TPRG1: variants seen among roughly 807,000 people sequenced by gnomAD.
The protein encoded by TPRG1 is tumor protein p63 regulated 1.
TPRG1 carries 29 observed loss-of-function variants against 29.3 expected under a neutral mutation model. The observed-to-expected ratio is 0.99, with a 90% CI of 0.74 to 1.35. The LOEUF (loss-of-function observed/expected upper bound fraction) is 1.35. Among genes scored for constraint, TPRG1 ranks in the 40% most tolerant of loss-of-function variants. The probability of loss-of-function intolerance (pLI) is 0.00; values close to 1 mark genes in which losing one functional copy is unlikely to be tolerated. For missense variants in TPRG1, 327 were observed against 335.0 expected (o/e 0.98, Z 0.19); for synonymous variants, 130 against 116.8 (o/e 1.11, Z -0.73).
rs553248228 is a variant in TPRG1 at position 189,117,685 on chromosome 3, A to T, written c.-743-9372A>T. Among the ~76,000 whole-genome samples, 5 of 152,232 alleles carry T rather than the reference A, an allele frequency of 3.3e-5. No individual in the cohort carries two copies. In the South Asian group the frequency reaches 1.0e-3, roughly 32 times the overall value. On this transcript the variant is annotated intron_variant, in intron 1 of 6. Transcript: ENST00000412373. ...TGTGATAATGAGTGAGTCTCACAAG[A>T]TCTGATGGTTTGTTAAACATCTGGC...
intron 4 of TPRG1, among the ~76,000 whole-genome samples, chr3:189,252,312 A>G (rs1742414327): frequency 6.6e-6 from 1 of 152,112 alleles, no homozygotes; most frequent in Admixed American, 6.6e-5. Flanking sequence ...CACAGTAGCA[A>G]TCTGATCTCT....
chr3:189,231,474 G>A (rs1422338688), intron 3 of TPRG1, among the ~76,000 whole-genome samples: 2 of 152,044 alleles, frequency 1.3e-5, no homozygotes, highest in Non-Finnish European at 2.9e-5. Context: ...AAGGGATTTA[G>A]AAGAATCTTC....
chr3:189,122,535 G>A (rs995322879), intron 1 of TPRG1, among the ~76,000 whole-genome samples: 1 of 152,194 alleles, frequency 6.6e-6, no homozygotes, highest in Non-Finnish European at 1.5e-5. Flanking sequence ...ATTTTGCGTA[G>A]CATGGGTATT....
chr3:189,113,428 T>A (rs1305023643), intron 1 of TPRG1, among the ~76,000 whole-genome samples: 1 of 152,140 alleles, frequency 6.6e-6, no homozygotes, highest in East Asian at 1.9e-4. Context: ...ATAGGAGTGG[T>A]GAGACAGGGC....
At chr3:189,080,284 A>C (rs1432345602) in intron 4 of TPRG1, among the ~76,000 whole-genome samples, 2 of 152,158 alleles carry the variant, frequency 1.3e-5, no homozygotes, top group African/African-American at 2.4e-5. Context: ...TAGTAAGGCA[A>C]CCCAGAGAAC....
intron 4 of TPRG1, among the ~76,000 whole-genome samples, chr3:189,259,286 C>G (rs964458695): frequency 1.3e-5 from 2 of 151,750 alleles, no homozygotes; most frequent in Non-Finnish European, 2.9e-5. Context: ...CCAGGTGAGG[C>G]GACACCCCAC....
At chr3:189,040,612 G>A (rs952271860) in intron 4 of TPRG1, among the ~76,000 whole-genome samples, 2 of 151,908 alleles carry the variant, frequency 1.3e-5, no homozygotes, top group African/African-American at 4.8e-5. Context: ...TGCTGTTCTT[G>A]CCCCCTGATA....
At chr3:189,117,604 G>A (rs1721333428) in intron 1 of TPRG1, among the ~76,000 whole-genome samples, 1 of 152,202 alleles carries the variant, frequency 6.6e-6, no homozygotes, top group African/African-American at 2.4e-5. Context: ...TGTGTCATGG[G>A]AGGGACCCCA....
chr3:189,237,069 G>T (rs142966984), intron 3 of TPRG1, among the ~76,000 whole-genome samples: 22 of 152,266 alleles, frequency 1.4e-4, no homozygotes, highest in African/African-American at 5.3e-4. Context: ...GCCATAGAAA[G>T]GTTAAAAGTC....
upstream of TPRG1, among the ~76,000 whole-genome samples, chr3:189,095,856 G>T (rs1434173718): frequency 6.6e-6 from 1 of 152,282 alleles, no homozygotes; most frequent in Non-Finnish European, 1.5e-5. Context: ...AAGAAGCTCA[G>T]CCAGGGCCTA....
At chr3:189,252,154 T>A (rs930073921) in intron 4 of TPRG1, among the ~76,000 whole-genome samples, 2 of 152,296 alleles carry the variant, frequency 1.3e-5, no homozygotes, top group South Asian at 4.1e-4. Context: ...CCGCCCTTAA[T>A]CCATTTAACC....
intron 3 of TPRG1, among the ~76,000 whole-genome samples, chr3:189,230,143 G>A (rs1483800767): frequency 6.6e-6 from 1 of 152,156 alleles, no homozygotes; most frequent in African/African-American, 2.4e-5. Flanking sequence ...GTGGTCTTGT[G>A]GGAAAGAGAG....
At chr3:189,152,441 G>A (rs1027005264) in intron 5 of TPRG1, among the ~76,000 whole-genome samples, 5 of 152,138 alleles carry the variant, frequency 3.3e-5, no homozygotes, top group Admixed American at 6.5e-5. Context: ...ACATGTGGAC[G>A]GTTTCCTTTA....
At chr3:189,026,019 T>C (rs1713641794) in intron 4 of TPRG1, among the ~76,000 whole-genome samples, 1 of 152,222 alleles carries the variant, frequency 6.6e-6, no homozygotes, top group African/African-American at 2.4e-5. Flanking sequence ...TTCACAGTCA[T>C]TGAACACAAG....
intron 1 of TPRG1, among the ~76,000 whole-genome samples, chr3:189,180,328 C>A (rs573880825): frequency 6.0e-4 from 92 of 152,256 alleles, no homozygotes; most frequent in African/African-American, 2.2e-3. Context: ...TTAACTAATT[C>A]CAGTATTAAC....
At chr3:189,082,901 C>T (rs958440304) in intron 4 of TPRG1, among the ~76,000 whole-genome samples, 1 of 152,164 alleles carries the variant, frequency 6.6e-6, no homozygotes, top group African/African-American at 2.4e-5. Context: ...AGATATTTCC[C>T]TGTGTTTGTG....
intron 1 of TPRG1, among the ~76,000 whole-genome samples, chr3:189,175,084 C>T (rs1729299939): frequency 6.6e-6 from 1 of 152,098 alleles, no homozygotes; most frequent in South Asian, 2.1e-4. Flanking sequence ...GAGACCCTTT[C>T]TCAAAGGGGC....
intron 4 of TPRG1, among the ~76,000 whole-genome samples, chr3:189,063,092 C>G (rs1195003154): frequency 6.6e-6 from 1 of 151,846 alleles, no homozygotes; most frequent in Non-Finnish European, 1.5e-5. Context: ...AAACTTTAAG[C>G]AAAAATGCAG....
chr3:189,253,710 C>T (rs921717287), intron 4 of TPRG1, among the ~76,000 whole-genome samples: 3 of 152,194 alleles, frequency 2.0e-5, no homozygotes, highest in Non-Finnish European at 4.4e-5. Context: ...AATTTACACT[C>T]TCACCAGCAA....
Sources: allele counts gnomAD v4.1 joint callset (sites outside exome capture counted in the v4.1 genomes callset), GRCh38; gene constraint gnomAD v4.1.1; transcripts MANE v1.5; gene names NCBI Gene and HGNC (gene_info 2026-07-23, HGNC 2026-07-21).